The following KDM4C variants were observed in gnomAD, a reference collection of about 807,000 sequenced individuals.
The protein encoded by KDM4C is lysine-specific demethylase 4C.
Under a neutral mutation model 129.3 loss-of-function variants are expected in KDM4C, and 81 were observed. That is an observed-to-expected ratio of 0.63 (90% CI 0.52 to 0.75). KDM4C has a LOEUF of 0.75. KDM4C is among the 30% of genes least tolerant of loss of function. The pLI is 0.00. For synonymous variants in KDM4C, 573 were observed against 456.1 expected, an observed-to-expected ratio of 1.26 and a Z score of -3.26; for missense variants, 1,457 against 1,304.0, an observed-to-expected ratio of 1.12 and a Z score of -1.81.
intron 1 of KDM4C, among the ~76,000 whole-genome samples, chr9:6,739,748 G>A (rs1469275538): frequency 1.3e-5 from 2 of 151,484 alleles, no homozygotes; most frequent in African/African-American, 2.4e-5. Context: ...TGTAATCCCA[G>A]CACTTTGGGA....
At chr9:7,053,495 CT>C (rs1426835306) in intron 17 of KDM4C, among the ~76,000 whole-genome samples, 2 of 152,154 alleles carry the variant, frequency 1.3e-5, no homozygotes, top group African/African-American at 4.8e-5. Flanking sequence ...CATGGAGATC[CT>C]TTAGCTCATC....
intron 6 of KDM4C, among the ~76,000 whole-genome samples, chr9:6,884,508 C>T (rs188851353): frequency 5.6e-4 from 85 of 152,240 alleles, no homozygotes; most frequent in African/African-American, 1.9e-3. Flanking sequence ...TTTCAAGCCT[C>T]ATACCAGTCA....
At chr9:7,065,408 A>C (rs1832285699) in intron 17 of KDM4C, among the ~76,000 whole-genome samples, 1 of 152,148 alleles carries the variant, frequency 6.6e-6, no homozygotes, top group Non-Finnish European at 1.5e-5. Context: ...AAAACTTTCA[A>C]ATTTTTTTTC....
chr9:7,118,615 T>A (rs1839170541), intron 18 of KDM4C, among the ~76,000 whole-genome samples: 1 of 152,188 alleles, frequency 6.6e-6, no homozygotes, highest in Admixed American at 6.5e-5. Context: ...AAATTAAGGA[T>A]AAATAACAAA....
intron 18 of KDM4C, among the ~76,000 whole-genome samples, chr9:7,112,339 G>A (rs886153428): frequency 6.6e-6 from 1 of 152,076 alleles, no homozygotes; most frequent in Non-Finnish European, 1.5e-5. Context: ...TTGAGGCCAA[G>A]TGGGAGTGGA....
chr9:6,965,625 C>T (rs1429736276), intron 8 of KDM4C, among the ~76,000 whole-genome samples: 3 of 152,128 alleles, frequency 2.0e-5, no homozygotes, highest in Non-Finnish European at 4.4e-5. Flanking sequence ...TTCTTGAGAC[C>T]CAAGCAAAAC....
At chr9:6,929,587 C>T (rs1823287429) in intron 8 of KDM4C, among the ~76,000 whole-genome samples, 1 of 150,166 alleles carries the variant, frequency 6.7e-6, no homozygotes, top group Non-Finnish European at 1.5e-5. Context: ...TGCTACTCTT[C>T]CCCAGTCACT....
At chr9:6,807,226 C>A (rs1456123179) in intron 3 of KDM4C, among the ~76,000 whole-genome samples, 5 of 152,200 alleles carry the variant, frequency 3.3e-5, no homozygotes, top group African/African-American at 1.2e-4. Context: ...GTGGCGTGAT[C>A]TCGGCTCACT....
intron 3 of KDM4C, among the ~76,000 whole-genome samples, chr9:6,807,812 C>G (rs937170502): frequency 2.0e-5 from 3 of 147,598 alleles, no homozygotes; most frequent in African/African-American, 7.6e-5. Flanking sequence ...CAGCCCCCCG[C>G]CCGGCCAGCC....
At position 6,843,571 on chromosome 9, in the gene KDM4C, C is replaced by T. The variant is rs148023034; in HGVS notation, c.436-5936C>T. ...AAGGTAGCCACAGTCTTCTTGTGGC[C>T]CAATTTGCAGCACTGAACCCTGGGC... On this transcript the variant is annotated intron_variant, in intron 4 of 21. Coordinates refer to ENST00000381309, the MANE Select transcript of KDM4C (RefSeq NM_015061.6). Among the ~76,000 whole-genome samples, 717 of 152,160 alleles carry T rather than the reference C, an allele frequency of 4.7e-3. 6 individuals carry two copies. The highest frequency in any genetic ancestry group is 0.017 in the African/African-American group (695 of 41,520).
intron 12 of KDM4C, among the ~76,000 whole-genome samples, chr9:6,993,594 G>C (rs889706993): frequency 3.3e-5 from 5 of 152,284 alleles, no homozygotes; most frequent in Middle Eastern, 3.4e-3. Flanking sequence ...TGAGTTCACT[G>C]TCCATAGAGA....
At chr9:6,939,170 C>A (rs774351996) in intron 8 of KDM4C, among the ~76,000 whole-genome samples, 2 of 151,864 alleles carry the variant, frequency 1.3e-5, no homozygotes, top group Non-Finnish European at 2.9e-5. Context: ...GCAGCAGGTA[C>A]AGCTGCTCCC....
At chr9:7,022,963 A>G (rs1825143522) in intron 15 of KDM4C, among the ~76,000 whole-genome samples, 1 of 152,190 alleles carries the variant, frequency 6.6e-6, no homozygotes, top group South Asian at 2.1e-4. Context: ...TGATTTGCAT[A>G]TGTTGAATCA....
intron 1 of KDM4C, among the ~76,000 whole-genome samples, chr9:6,747,003 C>CAA (rs58512756): frequency 0.057 from 2,876 of 50,508 alleles, 190 homozygotes; most frequent in Non-Finnish European, 0.096. Context: ...GACTCCGTCT[C>CAA]AAAAAAAAAA....
At chr9:6,899,073 A>G (rs1292453653) in intron 8 of KDM4C, among the ~76,000 whole-genome samples, 2 of 145,122 alleles carry the variant, frequency 1.4e-5, no homozygotes, top group Non-Finnish European at 3.0e-5. Context: ...TTTTTTTTTT[A>G]CCTCTACTTT....
chr9:7,018,440 T>C (rs1824074984), intron 15 of KDM4C, among the ~76,000 whole-genome samples: 1 of 152,260 alleles, frequency 6.6e-6, no homozygotes, highest in African/African-American at 2.4e-5. Context: ...GCTTCTAATC[T>C]TGACCATACA....
At chr9:7,117,008 C>T (rs1261156684) in intron 18 of KDM4C, among the ~76,000 whole-genome samples, 1 of 152,142 alleles carries the variant, frequency 6.6e-6, no homozygotes, top group African/African-American at 2.4e-5. Flanking sequence ...TACATTATGT[C>T]ATTTGATGTT....
intron 19 of KDM4C, among the ~76,000 whole-genome samples, chr9:7,136,271 T>C (rs1310053018): frequency 1.3e-5 from 2 of 152,264 alleles, no homozygotes; most frequent in Non-Finnish European, 2.9e-5. Context: ...GGGGCTATTA[T>C]AAATAATTCT....
chr9:7,096,293 A>C (rs1460469212), intron 17 of KDM4C, among the ~76,000 whole-genome samples: 1 of 152,140 alleles, frequency 6.6e-6, no homozygotes, highest in Non-Finnish European at 1.5e-5. Context: ...TGCCTTTAAT[A>C]TTTAATTTCT....
Sources: allele counts gnomAD v4.1 joint callset (sites outside exome capture counted in the v4.1 genomes callset), GRCh38; gene constraint gnomAD v4.1.1; transcripts MANE v1.5; gene names NCBI Gene and HGNC (gene_info 2026-07-23, HGNC 2026-07-21).